Variants in ITGB8 observed in about 807,000 individuals in gnomAD.
ITGB8 encodes the protein integrin subunit beta 8.
Under a neutral mutation model 89.5 loss-of-function variants are expected in ITGB8, and 30 were observed. The ratio of observed to expected loss-of-function variants is 0.34; its 90% CI spans 0.25 to 0.45. The LOEUF is 0.45. Ranked by LOEUF, ITGB8 falls within the 20% of genes least tolerant of loss-of-function variation. ITGB8 has a pLI of 1.00. For missense variants in ITGB8, 836 were observed against 933.3 expected (o/e 0.90, Z 1.36); for synonymous variants, 335 against 320.4 (o/e 1.05, Z -0.49).
At position 20,392,623 on chromosome 7, in the gene ITGB8, T is replaced by C. The variant is rs1219373108; in HGVS notation, c.1056+1125T>C. On this transcript the variant is annotated intron_variant, in intron 7 of 13. Transcript: ENST00000222573. ...TCAGGGCTTTCAGGGTGTCTGTCAC[T>C]CGAATAGCACACATTGTACCCATTA... Among the ~76,000 whole-genome samples, 3 of 152,160 alleles carry C rather than the reference T, an allele frequency of 2.0e-5. No homozygotes were observed. The East Asian group carries it at 5.8e-4, about 29-fold the overall frequency.
rs1311968828 is a variant in ITGB8 at position 20,410,690 on chromosome 7, A to G, written c.*693A>G. 2 of 152,652 alleles carry G rather than the reference A, an allele frequency of 1.3e-5. No homozygotes were observed. The highest frequency in any genetic ancestry group is 2.9e-5 in the Non-Finnish European group (2 of 68,038). 9.5% of individuals were successfully genotyped at this position (152,652 alleles called of 1,614,324 possible). On this transcript the variant is annotated 3_prime_UTR_variant, in exon 14 of 14. Transcript: ENST00000222573. ...TCTTTTTTACAGGATAAGTTTATGTATGTCACAGATGACTGGATTAATTAA... is the reference window on the plus strand; with the variant it reads ...TCTTTTTTACAGGATAAGTTTATGTGTGTCACAGATGACTGGATTAATTAA...
At chr7:20,358,265 C>G (rs1004323965) in intron 1 of ITGB8, among the ~76,000 whole-genome samples, 1 of 152,008 alleles carries the variant, frequency 6.6e-6, no homozygotes, top group African/African-American at 2.4e-5. Context: ...TCCTGGCCTA[C>G]CTGGTTACTT....
At chr7:20,349,481 C>T (rs1006559446) in intron 1 of ITGB8, among the ~76,000 whole-genome samples, 4 of 151,502 alleles carry the variant, frequency 2.6e-5, no homozygotes, top group Non-Finnish European at 4.4e-5. Context: ...CTTAGGCTGC[C>T]GAGAGTTGGC....
chr7:20,391,506 A>C lies in ITGB8; in HGVS notation c.1056+8A>C, dbSNP rs1248046289. 1.4e-6 allele frequency: 2 copies of C among 1,430,028 alleles called. No homozygotes were observed. Among genetic ancestry groups the C allele is most frequent in the Non-Finnish European group, 1.9e-6 (2 of 1,043,362 alleles). The allele number at this position is 1,430,028 out of a possible 1,614,324, so 88.6% of individuals were successfully genotyped here. A position where few individuals can be genotyped will look rare whatever the true frequency, so the allele number is the denominator to read the frequency against. On this transcript the variant is annotated splice_region_variant and intron_variant, in intron 7 of 13. Coordinates refer to ENST00000222573, the MANE Select transcript of ITGB8 (RefSeq NM_002214.3). ...CAATTTCATTGGTATAAGGTATGTTAACTCTGAAAATGTTAAAATTAAATT... is the reference window on the plus strand; with the variant it reads ...CAATTTCATTGGTATAAGGTATGTTCACTCTGAAAATGTTAAAATTAAATT...
Position 20,409,910 on chromosome 7 carries a change from A to G in ITGB8, c.2223A>G (p.Ala741=), listed in dbSNP as rs374924248. The change falls in exon 14 of 14, where the codon GCA becomes GCG. Residue 741 remains alanine, a synonymous_variant. Transcript: ENST00000222573. ...KLILQSVCTR[A]VTYRREKPEE... ...TTCTGCAAAGTGTTTGCACAAGAGC[A>G]GTCACCTACCGACGTGAGAAGCCTG... is the stretch of plus-strand genomic sequence containing the variant. 2 of 1,613,622 alleles carry G rather than the reference A, an allele frequency of 1.2e-6. No homozygotes were observed. The highest frequency in any genetic ancestry group is 1.3e-5 in the African/African-American group (1 of 74,928).
At chr7:20,400,510 G>A (rs571384136) in intron 9 of ITGB8, among the ~76,000 whole-genome samples, 55 of 152,114 alleles carry the variant, frequency 3.6e-4, no homozygotes, top group African/African-American at 1.2e-3. Context: ...TTATTATATC[G>A]TAGATATATA....
rs1784368506 is a variant in ITGB8 at position 20,331,072 on chromosome 7, G to A, written c.-735G>A. 6.5e-6 allele frequency: 1 copy of A among 152,698 alleles called. No homozygotes were observed. 9.5% of individuals were successfully genotyped at this position (152,698 alleles called of 1,614,324 possible). A position where few individuals can be genotyped will look rare whatever the true frequency, so the allele number is the denominator to read the frequency against. On this transcript the variant is annotated 5_prime_UTR_variant, in exon 1 of 14. Coordinates refer to ENST00000222573, the MANE Select transcript of ITGB8 (RefSeq NM_002214.3). ...CCCACTCCCCGCCAGGGAGGGAGCG[G>A]CGATGCCTCGCTCTGTGCCTGCGGG...
intron 10 of ITGB8, among the ~76,000 whole-genome samples, chr7:20,402,950 A>G (rs545054551): frequency 1.2e-4 from 18 of 152,318 alleles, no homozygotes; most frequent in Middle Eastern, 6.8e-3. Context: ...AATGTGCTAA[A>G]TTTACTCATT....
intron 6 of ITGB8, among the ~76,000 whole-genome samples, chr7:20,384,350 A>G (rs980391550): frequency 1.8e-4 from 28 of 152,174 alleles, no homozygotes; most frequent in Non-Finnish European, 3.2e-4. Context: ...AAAACCCTTT[A>G]TATGTCTAAA....
chr7:20,358,690 ACTGCG>A (rs1299783699), intron 1 of ITGB8, among the ~76,000 whole-genome samples: 3 of 152,196 alleles, frequency 2.0e-5, no homozygotes, highest in African/African-American at 7.2e-5. Flanking sequence ...GGCATGAGCC[ACTGCG>A]CCCAGCCAGC....
chr7:20,398,285 G>C (rs1787171000), intron 8 of ITGB8, among the ~76,000 whole-genome samples: 1 of 152,168 alleles, frequency 6.6e-6, no homozygotes, highest in South Asian at 2.1e-4. Context: ...GCCATTCTTG[G>C]AGAGCCTTAT....
chr7:20,375,367 A>G (rs1467241193), intron 3 of ITGB8, among the ~76,000 whole-genome samples: 1 of 152,142 alleles, frequency 6.6e-6, no homozygotes, highest in East Asian at 1.9e-4. Context: ...TCCAAAAAAA[A>G]AAGGAAAATT....
At chr7:20,360,116 T>C (rs989998851) in intron 1 of ITGB8, among the ~76,000 whole-genome samples, 1 of 152,122 alleles carries the variant, frequency 6.6e-6, no homozygotes, top group African/African-American at 2.4e-5. Context: ...GTGTCTGAAA[T>C]ATGAGATTAG....
intron 1 of ITGB8, among the ~76,000 whole-genome samples, chr7:20,333,211 A>G (rs1784467900): frequency 6.6e-6 from 1 of 152,180 alleles, no homozygotes; most frequent in South Asian, 2.1e-4. Context: ...CAGTTTTCTA[A>G]TATTTGTTTC....
chr7:20,335,370 G>C (rs1784540730), intron 1 of ITGB8, among the ~76,000 whole-genome samples: 1 of 152,162 alleles, frequency 6.6e-6, no homozygotes, highest in Admixed American at 6.5e-5. Context: ...TATTTTGAAA[G>C]TATGGATATG....
intron 1 of ITGB8, among the ~76,000 whole-genome samples, chr7:20,334,926 T>C (rs1276508726): frequency 6.6e-6 from 1 of 152,218 alleles, no homozygotes; most frequent in Non-Finnish European, 1.5e-5. Flanking sequence ...ATTAACCCTA[T>C]GATTTTTTAA....
chr7:20,368,698 A>G (rs757413992), intron 3 of ITGB8, among the ~76,000 whole-genome samples: 3 of 152,210 alleles, frequency 2.0e-5, no homozygotes, highest in Admixed American at 1.3e-4. Context: ...TTTGAAAATT[A>G]TAAGCTGCAT....
intron 2 of ITGB8, among the ~76,000 whole-genome samples, chr7:20,364,488 A>G (rs922877810): frequency 6.6e-6 from 1 of 152,204 alleles, no homozygotes; most frequent in Non-Finnish European, 1.5e-5. Context: ...TAAGGTAGCA[A>G]CAGATGGTGG....
At chr7:20,409,822 C>T (rs1787693487) in intron 13 of ITGB8, 44 bp downstream of exon 13, 1 of 1,609,318 alleles carries the variant, frequency 6.2e-7, no homozygotes, top group South Asian at 1.1e-5. Flanking sequence ...ATGTTATTGC[C>T]TAGTTACAAT....
Sources: allele counts gnomAD v4.1 joint callset (sites outside exome capture counted in the v4.1 genomes callset), GRCh38; gene constraint gnomAD v4.1.1; transcripts MANE v1.5; gene names NCBI Gene and HGNC (gene_info 2026-07-23, HGNC 2026-07-21).